Variants in SUSD6 observed in about 807,000 individuals in gnomAD.
The protein encoded by SUSD6 is sushi domain-containing protein 6.
SUSD6 carries 16 observed loss-of-function variants against 28.4 expected under a neutral mutation model. The ratio of observed to expected loss-of-function variants is 0.56; its 90% CI spans 0.38 to 0.86. The LOEUF (loss-of-function observed/expected upper bound fraction) is 0.86, where lower values mean the gene tolerates loss of function less well. SUSD6 is among the 40% of genes least tolerant of loss of function. SUSD6 has a pLI of 0.00. For synonymous variants in SUSD6, 147 were observed against 159.6 expected, an observed-to-expected ratio of 0.92 and a Z score of 0.59; for missense variants, 341 against 384.2, an observed-to-expected ratio of 0.89 and a Z score of 0.94.
At chr14:69,677,896 G>C (rs1234347627) in intron 2 of SUSD6, among the ~76,000 whole-genome samples, 1 of 152,180 alleles carries the variant, frequency 6.6e-6, no homozygotes, top group Admixed American at 6.5e-5. Flanking sequence ...CATGTAATGT[G>C]TTCCACTGTA....
At chr14:69,630,235 G>A (rs1030901524) in intron 1 of SUSD6, among the ~76,000 whole-genome samples, 1 of 152,220 alleles carries the variant, frequency 6.6e-6, no homozygotes, top group Non-Finnish European at 1.5e-5. Flanking sequence ...CAGCAGGTAA[G>A]TAGCAGAGCC....
At chr14:69,639,283 C>T (rs1180041808) in intron 1 of SUSD6, among the ~76,000 whole-genome samples, 10 of 122,390 alleles carry the variant, frequency 8.2e-5, no homozygotes, top group African/African-American at 3.2e-4. Context: ...AGCCGGGATC[C>T]AGCCTGGGCA....
chr14:69,663,426 G>C (rs1302832588), intron 2 of SUSD6, among the ~76,000 whole-genome samples: 1 of 152,244 alleles, frequency 6.6e-6, no homozygotes, highest in Admixed American at 6.5e-5. Flanking sequence ...AAAGTGTTGA[G>C]AACTAGGTTC....
At chr14:69,710,618 A>T (rs1886448990) in intron 5 of SUSD6, among the ~76,000 whole-genome samples, 1 of 152,180 alleles carries the variant, frequency 6.6e-6, no homozygotes, top group South Asian at 2.1e-4. Flanking sequence ...TGGCTTTAGG[A>T]GGCAGTGGGA....
chr14:69,638,289 T>A (rs534986553), intron 1 of SUSD6, among the ~76,000 whole-genome samples: 1 of 152,170 alleles, frequency 6.6e-6, no homozygotes, highest in Non-Finnish European at 1.5e-5. Flanking sequence ...TTGGAAGGAC[T>A]GTAATTTAGC....
chr14:69,674,034 A>C (rs1367622451), intron 2 of SUSD6, among the ~76,000 whole-genome samples: 2 of 152,198 alleles, frequency 1.3e-5, no homozygotes, highest in East Asian at 3.8e-4. Context: ...TCCCATCCAG[A>C]GACTGGCTCG....
intron 2 of SUSD6, among the ~76,000 whole-genome samples, chr14:69,681,211 C>T (rs1885992860): frequency 6.6e-6 from 1 of 152,182 alleles, no homozygotes; most frequent in Non-Finnish European, 1.5e-5. Context: ...AAAAGTAGTA[C>T]ATTGACATCT....
chr14:69,624,482 CG>C (rs1885086027), intron 1 of SUSD6, among the ~76,000 whole-genome samples: 1 of 140,406 alleles, frequency 7.1e-6, no homozygotes, highest in East Asian at 2.1e-4. Flanking sequence ...GAGGGAGTTT[CG>C]GTCTTGTTGC....
intron 1 of SUSD6, among the ~76,000 whole-genome samples, chr14:69,635,620 C>CAG (rs1397350062): frequency 1.6e-5 from 2 of 126,390 alleles, no homozygotes; most frequent in African/African-American, 5.2e-5. Context: ...CACACACACA[C>CAG]ACACACACAC....
chr14:69,673,130 T>C (rs1329855561), intron 2 of SUSD6, among the ~76,000 whole-genome samples: 1 of 152,132 alleles, frequency 6.6e-6, no homozygotes, highest in African/African-American at 2.4e-5. Context: ...CTAGAGGTCA[T>C]TCAGGTGTGC....
chr14:69,697,914 G>A (rs1416874988), intron 2 of SUSD6, among the ~76,000 whole-genome samples: 1 of 152,210 alleles, frequency 6.6e-6, no homozygotes, highest in Non-Finnish European at 1.5e-5. Flanking sequence ...GGCTTGTAGT[G>A]GGGGCATGGT....
intron 2 of SUSD6, among the ~76,000 whole-genome samples, chr14:69,685,571 GGT>G (rs1446361772): frequency 6.6e-6 from 1 of 152,104 alleles, no homozygotes; most frequent in East Asian, 1.9e-4. Context: ...GTAAAATGCA[GGT>G]GTGTGTGTGT....
chr14:69,648,589 T>C (rs1252866264), intron 1 of SUSD6, among the ~76,000 whole-genome samples: 1 of 152,196 alleles, frequency 6.6e-6, no homozygotes, highest in Non-Finnish European at 1.5e-5. Flanking sequence ...ACTGGGAATG[T>C]AGCAGAAGGC....
At chr14:69,696,038 C>T (rs1886220248) in intron 2 of SUSD6, among the ~76,000 whole-genome samples, 2 of 152,170 alleles carry the variant, frequency 1.3e-5, no homozygotes, top group South Asian at 2.1e-4. Flanking sequence ...ATATGCTGTA[C>T]GAAGTAGCTG....
intron 1 of SUSD6, among the ~76,000 whole-genome samples, chr14:69,650,896 C>G (rs1326388723): frequency 6.6e-6 from 1 of 152,084 alleles, no homozygotes; most frequent in African/African-American, 2.4e-5. Context: ...TGCTGCAATG[C>G]AGAGGGATAT....
intron 1 of SUSD6, among the ~76,000 whole-genome samples, chr14:69,648,009 G>C (rs541559127): frequency 9.2e-5 from 14 of 152,106 alleles, no homozygotes; most frequent in Non-Finnish European, 1.6e-4. Context: ...AGGATATCAG[G>C]ATTTGGAACC....
intron 4 of SUSD6, among the ~76,000 whole-genome samples, chr14:69,705,740 G>A (rs1886378736): frequency 1.3e-5 from 2 of 152,230 alleles, no homozygotes; most frequent in Admixed American, 6.5e-5. Context: ...GAGAAACAAA[G>A]GAAGTGGATT....
Position 69,708,891 on chromosome 14 carries a change from T to C in SUSD6, c.673T>C (p.Ser225Pro). ...QQLPDQGACS[S>P]AGGEDEAPGQ... ...GCTGCCGGACCAAGGGGCCTGCTCC[T>C]CTGCAGGTGGAGAAGATGAGGCCCC... is the stretch of plus-strand genomic sequence containing the variant. Residue 225 changes from serine to proline, a missense_variant, in exon 5 of 6, where the codon TCT becomes CCT. Physicochemically the swap from Ser to Pro is moderately conservative, Grantham distance 74. Coordinates refer to ENST00000342745, the MANE Select transcript of SUSD6 (RefSeq NM_014734.4). 3 of 1,614,176 alleles carry C rather than the reference T, an allele frequency of 1.9e-6. No individual in the cohort carries two copies. Among genetic ancestry groups the C allele is most frequent in the Non-Finnish European group, 2.5e-6 (3 of 1,180,012 alleles).
intron 1 of SUSD6, among the ~76,000 whole-genome samples, chr14:69,650,313 C>T (rs1390724488): frequency 3.9e-5 from 6 of 152,086 alleles, no homozygotes; most frequent in Non-Finnish European, 5.9e-5. Flanking sequence ...ACATGTCTCA[C>T]GTTTGTCTTA....
Sources: gnomAD v4.1 joint callset for allele counts (sites outside exome capture counted in the v4.1 genomes callset) on GRCh38, gnomAD v4.1.1 for gene constraint, MANE v1.5 for transcripts, NCBI Gene and HGNC (gene_info 2026-07-23, HGNC 2026-07-21) for gene names.